Variants in GLRA3 observed in about 807,000 individuals in gnomAD.
GLRA3 encodes the protein glycine receptor alpha 3, also known as glycine receptor subunit alpha-3.
Under a neutral mutation model 60.4 loss-of-function variants are expected in GLRA3, and 44 were observed. That is an observed-to-expected ratio of 0.73 (90% CI 0.57 to 0.94). The LOEUF (loss-of-function observed/expected upper bound fraction) is 0.94. GLRA3 is among the 40% of genes least tolerant of loss of function. The pLI, the probability that GLRA3 is intolerant of heterozygous loss-of-function variation, is 0.00. For missense variants in GLRA3, 508 were observed against 564.6 expected (o/e 0.90, Z 1.02); for synonymous variants, 223 against 192.9 (o/e 1.16, Z -1.29).
At chr4:174,671,457 A>C (rs1167854765) in intron 7 of GLRA3, among the ~76,000 whole-genome samples, 5 of 152,002 alleles carry the variant, frequency 3.3e-5, no homozygotes, top group African/African-American at 4.8e-5. Flanking sequence ...TAAATCCTTC[A>C]TTTTTCTTCC....
chr4:174,740,167 G>C (rs1190670750), intron 3 of GLRA3, among the ~76,000 whole-genome samples: 1 of 152,158 alleles, frequency 6.6e-6, no homozygotes, highest in African/African-American at 2.4e-5. Flanking sequence ...GGACAAAAAA[G>C]CTGGGGTCTT....
chr4:174,707,004 C>G (rs1312488854), intron 5 of GLRA3, among the ~76,000 whole-genome samples: 1 of 152,030 alleles, frequency 6.6e-6, no homozygotes. Flanking sequence ...ATCTTATTAC[C>G]AACTATGCTA....
intron 1 of GLRA3, among the ~76,000 whole-genome samples, chr4:174,820,962 C>T (rs1315414676): frequency 6.6e-6 from 1 of 151,828 alleles, no homozygotes; most frequent in Non-Finnish European, 1.5e-5. Flanking sequence ...TTCCTAACTT[C>T]TGAAAAGGAG....
chr4:174,728,825 G>T, intron 3 of GLRA3, 127 bp from the exon 4 acceptor site: 4 of 600,712 alleles, frequency 6.7e-6, no homozygotes, highest in East Asian at 2.8e-5. Context: ...TGGGGACGGG[G>T]TGTATAGTTA....
At chr4:174,698,184 T>A (rs1165337823) in intron 5 of GLRA3, among the ~76,000 whole-genome samples, 4 of 152,052 alleles carry the variant, frequency 2.6e-5, no homozygotes, top group Admixed American at 2.6e-4. Flanking sequence ...GGTTTTTTTA[T>A]TTTTGATATA....
At chr4:174,700,018 A>T (rs1735244505) in intron 5 of GLRA3, among the ~76,000 whole-genome samples, 1 of 152,106 alleles carries the variant, frequency 6.6e-6, no homozygotes, top group Non-Finnish European at 1.5e-5. Context: ...GCTGATTTCT[A>T]TCATAAAAAT....
intron 7 of GLRA3, among the ~76,000 whole-genome samples, chr4:174,659,593 C>G (rs959284717): frequency 7.2e-5 from 11 of 151,854 alleles, no homozygotes; most frequent in African/African-American, 2.7e-4. Flanking sequence ...AGATATTTTT[C>G]TTTCATTGCA....
At chr4:174,816,950 C>T (rs1740527240) in intron 1 of GLRA3, among the ~76,000 whole-genome samples, 1 of 152,126 alleles carries the variant, frequency 6.6e-6, no homozygotes, top group Non-Finnish European at 1.5e-5. Context: ...ATCCACCCCT[C>T]AACTATTTCC....
At chr4:174,781,531 T>A (rs371744095) in intron 2 of GLRA3, among the ~76,000 whole-genome samples, 1 of 140,954 alleles carries the variant, frequency 7.1e-6, no homozygotes, top group African/African-American at 2.7e-5. Flanking sequence ...CAGGAGCTGG[T>A]TTTTTGAAAG....
intron 5 of GLRA3, among the ~76,000 whole-genome samples, chr4:174,710,541 C>A (rs1735680990): frequency 6.6e-6 from 1 of 151,922 alleles, no homozygotes; most frequent in Admixed American, 6.6e-5. Context: ...TGTTGTTGTT[C>A]CTATCATTAT....
intron 5 of GLRA3, among the ~76,000 whole-genome samples, chr4:174,703,965 G>A (rs1211368732): frequency 1.3e-5 from 2 of 152,018 alleles, no homozygotes; most frequent in Non-Finnish European, 2.9e-5. Flanking sequence ...GAAGGGATAT[G>A]AGGGTTGAAG....
intron 4 of GLRA3, among the ~76,000 whole-genome samples, chr4:174,720,181 A>T (rs956924629): frequency 1.3e-5 from 2 of 152,202 alleles, no homozygotes; most frequent in Admixed American, 1.3e-4. Context: ...AAGAAAGTAT[A>T]TCATATTTAA....
chr4:174,647,733 T>A (rs867846523), intron 9 of GLRA3, among the ~76,000 whole-genome samples: 1 of 151,996 alleles, frequency 6.6e-6, no homozygotes, highest in South Asian at 2.1e-4. Context: ...AAAAAAAAAA[T>A]AACTCAGTAT....
intron 4 of GLRA3, among the ~76,000 whole-genome samples, chr4:174,724,094 T>C (rs1736229441): frequency 6.6e-6 from 1 of 151,308 alleles, no homozygotes; most frequent in Non-Finnish European, 1.5e-5. Context: ...ATATATGCCT[T>C]AAAAATATAC....
Position 174,643,346 on chromosome 4 carries a change from TTGTAA to T in GLRA3, c.*435_*439del. 1.4e-6 allele frequency: 1 copy of T among 738,734 alleles called. No homozygotes were observed. Among genetic ancestry groups the T allele is most frequent in the Non-Finnish European group, 1.6e-6 (1 of 606,560 alleles). 45.8% of individuals were successfully genotyped at this position (738,734 alleles called of 1,614,324 possible). ...CACTGTAACTAATTATTTTCCCATT[TTGTAA>T]CTATACTATAAGAAAATAGTTTTAA... On this transcript the variant is annotated 3_prime_UTR_variant, in exon 10 of 10. Transcript: ENST00000274093.
chr4:174,667,852 G>A (rs1015814755), intron 7 of GLRA3, among the ~76,000 whole-genome samples: 2 of 152,082 alleles, frequency 1.3e-5, no homozygotes, highest in African/African-American at 4.8e-5. Flanking sequence ...ACTGACCCCT[G>A]AAGTCATTTG....
At chr4:174,805,919 G>A (rs1016602009) in intron 1 of GLRA3, among the ~76,000 whole-genome samples, 1 of 152,062 alleles carries the variant, frequency 6.6e-6, no homozygotes, top group African/African-American at 2.4e-5. Context: ...ATTCCAGAGA[G>A]CAATAAAAAC....
At chr4:174,780,369 G>A (rs1354425261) in intron 2 of GLRA3, among the ~76,000 whole-genome samples, 5 of 151,678 alleles carry the variant, frequency 3.3e-5, no homozygotes, top group African/African-American at 1.2e-4. Context: ...ATGCCAAAAT[G>A]TAAAGACCAT....
Position 174,692,247 on chromosome 4 carries a change from G to A in GLRA3, c.575-9308C>T, listed in dbSNP as rs1287535122. Among the ~76,000 whole-genome samples the A allele has an allele frequency of 3.0e-3, 450 of 148,570 alleles. 1 individual carries two copies. The highest frequency in any genetic ancestry group is 9.5e-3 in the African/African-American group (377 of 39,546). On this transcript the variant is annotated intron_variant, in intron 5 of 9. Transcript: ENST00000274093. Reference sequence around the variant, plus strand: ...GGGGTCAGCCCCCGCCAGGCCAGCCGCCCCATCCGCGAGGGAGGTGGGGGG... The same window carrying A: ...GGGGTCAGCCCCCGCCAGGCCAGCCACCCCATCCGCGAGGGAGGTGGGGGG...
Sources: gnomAD v4.1 joint callset for allele counts (sites outside exome capture counted in the v4.1 genomes callset) on GRCh38, gnomAD v4.1.1 for gene constraint, MANE v1.5 for transcripts, NCBI Gene and HGNC (gene_info 2026-07-23, HGNC 2026-07-21) for gene names.